The following PIP5K1B variants were observed in gnomAD, a reference collection of about 807,000 sequenced individuals.
PIP5K1B encodes phosphatidylinositol-4-phosphate 5-kinase type 1 beta.
In PIP5K1B, 42 loss-of-function variants were observed where a neutral mutation model predicts 67.0. The observed-to-expected ratio is 0.63, with a 90% CI of 0.49 to 0.81. PIP5K1B has a LOEUF of 0.81. Ranked by LOEUF, PIP5K1B falls within the 30% of genes least tolerant of loss-of-function variation. The pLI, the probability that PIP5K1B is intolerant of heterozygous loss-of-function variation, is 0.00. For missense variants in PIP5K1B, 459 were observed against 646.3 expected, an observed-to-expected ratio of 0.71 and a Z score of 3.14; for synonymous variants, 214 against 231.4, an observed-to-expected ratio of 0.92 and a Z score of 0.68.
intron 5 of PIP5K1B, among the ~76,000 whole-genome samples, chr9:68,872,372 C>T (rs1307525733): frequency 2.6e-5 from 4 of 152,218 alleles, no homozygotes; most frequent in African/African-American, 9.6e-5. Flanking sequence ...ATTTCCTTCA[C>T]TAGAGCTTCA....
intron 12 of PIP5K1B, among the ~76,000 whole-genome samples, chr9:68,930,139 T>C (rs1826918441): frequency 6.6e-6 from 1 of 152,216 alleles, no homozygotes; most frequent in South Asian, 2.1e-4. Context: ...CTTACTCTTA[T>C]TGTGGTTGCT....
Position 68,862,822 on chromosome 9 carries a change from A to ATAT in PIP5K1B, c.70-1015_70-1014insTAT, listed in dbSNP as rs1564191147. Among the ~76,000 whole-genome samples, 205 of 144,434 alleles carry ATAT rather than the reference A, an allele frequency of 1.4e-3. 1 individual carries two copies. The highest frequency in any genetic ancestry group is 3.7e-3 in the Middle Eastern group (1 of 268). 94.8% of individuals were successfully genotyped at this position (144,434 alleles called of 152,430 possible). A position where few individuals can be genotyped will look rare whatever the true frequency, so the allele number is the denominator to read the frequency against. On this transcript the variant is annotated intron_variant, in intron 4 of 15. Coordinates refer to ENST00000265382, the MANE Select transcript of PIP5K1B (RefSeq NM_003558.4). ...AAAATAAAAAATAAATAAATAAATA[A>ATAT]ATATATATATATATATAGAAGTGGC... is the stretch of plus-strand genomic sequence containing the variant.
At chr9:68,786,071 TCTTC>T (rs1340150614) in intron 2 of PIP5K1B, 3 of 152,184 alleles carry the variant, frequency 2.0e-5, no homozygotes, top group African/African-American at 7.2e-5. Flanking sequence ...AATGACTACT[TCTTC>T]CTTCCAGATT....
rs145862281 is a variant in PIP5K1B at position 68,752,650 on chromosome 9, A to G, written c.-86+9993A>G. Among the ~76,000 whole-genome samples, 510 of 151,930 alleles carry G rather than the reference A, an allele frequency of 3.4e-3. 1 individual carries two copies. The highest frequency in any genetic ancestry group is 5.1e-3 in the Non-Finnish European group (349 of 67,964). On this transcript the variant is annotated intron_variant, in intron 2 of 15. Coordinates refer to ENST00000265382, the MANE Select transcript of PIP5K1B (RefSeq NM_003558.4). ...GACTGCAAAGCCCATATTTCATCTC[A>G]TCTTTTGCCAGGAGTTACCAATGTA...
At chr9:68,924,212 G>T (rs911690023) in intron 12 of PIP5K1B, among the ~76,000 whole-genome samples, 1 of 150,830 alleles carries the variant, frequency 6.6e-6, no homozygotes, top group Non-Finnish European at 1.5e-5. Flanking sequence ...GACCAACTTG[G>T]CCAATATGGT....
chr9:68,869,067 AACTAGC>A (rs1823498390), intron 5 of PIP5K1B, among the ~76,000 whole-genome samples: 1 of 152,240 alleles, frequency 6.6e-6, no homozygotes, highest in Non-Finnish European at 1.5e-5. Context: ...AGGTTTGACA[AACTAGC>A]CAACTGCCTG....
At chr9:68,745,008 G>A (rs1564103031) in intron 2 of PIP5K1B, among the ~76,000 whole-genome samples, 1 of 152,146 alleles carries the variant, frequency 6.6e-6, no homozygotes, top group Non-Finnish European at 1.5e-5. Context: ...CACTTCCTTT[G>A]TTCCCACCAA....
chr9:68,778,960 A>G (rs1831067880), intron 2 of PIP5K1B, among the ~76,000 whole-genome samples: 1 of 152,174 alleles, frequency 6.6e-6, no homozygotes, highest in South Asian at 2.1e-4. Flanking sequence ...TCTCAACTCT[A>G]ATTGTCCCCT....
intron 2 of PIP5K1B, chr9:68,789,743 C>G: frequency 4.2e-6 from 1 of 239,254 alleles, no homozygotes; most frequent in Non-Finnish European, 8.2e-6. Context: ...TGCAGATTTT[C>G]AACCCCATCT....
chr9:69,000,842 A>C (rs760122835), intron 15 of PIP5K1B, among the ~76,000 whole-genome samples: 1 of 152,116 alleles, frequency 6.6e-6, no homozygotes, highest in Non-Finnish European at 1.5e-5. Flanking sequence ...TTTGTAAAGG[A>C]AAATGCCGCC....
At chr9:68,944,630 A>G (rs1259644592) in intron 14 of PIP5K1B, among the ~76,000 whole-genome samples, 1 of 152,220 alleles carries the variant, frequency 6.6e-6, no homozygotes, top group Non-Finnish European at 1.5e-5. Flanking sequence ...CGTAGAGGGA[A>G]AATTGGCAAA....
At chr9:68,707,586 C>T (rs1026898342) in intron 1 of PIP5K1B, 1 of 152,192 alleles carries the variant, frequency 6.6e-6, no homozygotes, top group Non-Finnish European at 1.5e-5. Context: ...CTGTAAATTA[C>T]TGTTTACATT....
chr9:68,809,710 T>G (rs1833057411), intron 2 of PIP5K1B, among the ~76,000 whole-genome samples: 1 of 152,222 alleles, frequency 6.6e-6, no homozygotes, highest in East Asian at 1.9e-4. Context: ...TTCCACCCTC[T>G]AGCTCTCAAC....
In PIP5K1B at chr9:68,931,071, T is replaced by G. The variant is rs539228399; in HGVS notation, c.1202-3819T>G. ...ATAGTACCTGGTCTTCAAGTTTCTT[T>G]TTTGAAGTCAGTGTTTTTTAACCTT... On this transcript the variant is annotated intron_variant, in intron 12 of 15. Coordinates refer to ENST00000265382, the MANE Select transcript of PIP5K1B (RefSeq NM_003558.4). Among the ~76,000 whole-genome samples the G allele has an allele frequency of 3.9e-5, 6 of 152,230 alleles. 1 individual carries two copies. The South Asian group carries it at 1.2e-3, about 32-fold the overall frequency.
At chr9:68,971,364 T>C (rs1829358633) in intron 14 of PIP5K1B, among the ~76,000 whole-genome samples, 1 of 152,244 alleles carries the variant, frequency 6.6e-6, no homozygotes, top group Non-Finnish European at 1.5e-5. Flanking sequence ...ATGGTGTATA[T>C]GTACCACATT....
rs184218310 is a variant in PIP5K1B at position 68,734,585 on chromosome 9, T to G, written c.-242-7916T>G. Among the ~76,000 whole-genome samples, 258 of 152,354 alleles carry G rather than the reference T, an allele frequency of 1.7e-3. 1 individual carries two copies. The highest frequency in any genetic ancestry group is 5.3e-3 in the African/African-American group (222 of 41,578). On this transcript the variant is annotated intron_variant, in intron 1 of 15. Coordinates refer to ENST00000265382, the MANE Select transcript of PIP5K1B (RefSeq NM_003558.4). ...TGGATATAGAAGATCCTCCTCCTTTTTCTCTCTACTTATTTTTCCTCTAAT... is the reference window on the plus strand; with the variant it reads ...TGGATATAGAAGATCCTCCTCCTTTGTCTCTCTACTTATTTTTCCTCTAAT...
intron 2 of PIP5K1B, among the ~76,000 whole-genome samples, chr9:68,746,458 C>G (rs1024113479): frequency 2.0e-5 from 3 of 152,148 alleles, no homozygotes; most frequent in African/African-American, 7.2e-5. Context: ...TCTCCCCTCA[C>G]CCTTTCTCTC....
chr9:68,951,806 C>T (rs776886251), intron 14 of PIP5K1B, among the ~76,000 whole-genome samples: 1 of 152,118 alleles, frequency 6.6e-6, no homozygotes, highest in Non-Finnish European at 1.5e-5. Flanking sequence ...AAGAGCAAGC[C>T]GTAGTCCACC....
At chr9:68,708,549 G>A (rs7872233) in intron 1 of PIP5K1B, among the ~76,000 whole-genome samples, 14 of 72,848 alleles carry the variant, frequency 1.9e-4, no homozygotes, top group Middle Eastern at 7.5e-3. Context: ...CCGCCCCCCC[G>A]CCCCTTTAGT....
Sources: gnomAD v4.1 joint callset for allele counts (sites outside exome capture counted in the v4.1 genomes callset) on GRCh38, gnomAD v4.1.1 for gene constraint, MANE v1.5 for transcripts, NCBI Gene and HGNC (gene_info 2026-07-23, HGNC 2026-07-21) for gene names.